The following PTN variants were observed in gnomAD, a reference collection of about 807,000 sequenced individuals.
PTN encodes heparin affin regulatory protein.
A neutral mutation model predicts 24.1 loss-of-function variants in PTN; 18 were observed. That is an observed-to-expected ratio of 0.75 (90% CI 0.52 to 1.11). PTN has a LOEUF of 1.11. PTN is among the 50% of genes least tolerant of loss of function. The probability of loss-of-function intolerance (pLI) is 0.00; values close to 1 mark genes in which losing one functional copy is unlikely to be tolerated. For synonymous variants in PTN, 78 were observed against 68.6 expected (o/e 1.14, Z -0.67); for missense variants, 163 against 198.8 (o/e 0.82, Z 1.08).
At chr7:137,330,786 G>C (rs1810344413) in intron 1 of PTN, among the ~76,000 whole-genome samples, 1 of 152,260 alleles carries the variant, frequency 6.6e-6, no homozygotes, top group African/African-American at 2.4e-5. Flanking sequence ...TTGCTCCACA[G>C]AGCTGGAGTG....
intron 1 of PTN, among the ~76,000 whole-genome samples, chr7:137,279,078 T>C (rs1046827364): frequency 6.6e-5 from 10 of 151,572 alleles, no homozygotes; most frequent in Non-Finnish European, 1.3e-4. Context: ...TGAATGAACC[T>C]GACCTGATAC....
At chr7:137,291,267 T>C (rs1809635217) in intron 1 of PTN, among the ~76,000 whole-genome samples, 1 of 152,172 alleles carries the variant, frequency 6.6e-6, no homozygotes, top group African/African-American at 2.4e-5. Context: ...CATTTAAAAA[T>C]TACTTTTCAA....
chr7:137,259,123 G>T (rs1808987124), intron 1 of PTN, among the ~76,000 whole-genome samples: 1 of 152,068 alleles, frequency 6.6e-6, no homozygotes, highest in Non-Finnish European at 1.5e-5. Flanking sequence ...AATGAAATCT[G>T]AAACTCAATG....
intron 4 of PTN, among the ~76,000 whole-genome samples, chr7:137,244,174 C>G (rs1808682213): frequency 1.3e-5 from 2 of 152,138 alleles, no homozygotes; most frequent in African/African-American, 4.8e-5. Context: ...CTGCCAGACT[C>G]TGGTAATCAT....
intron 1 of PTN, among the ~76,000 whole-genome samples, chr7:137,258,163 C>T (rs1808968704): frequency 6.6e-6 from 1 of 151,992 alleles, no homozygotes; most frequent in African/African-American, 2.4e-5. Context: ...GCCATAATTT[C>T]CAAATCAAAT....
intron 1 of PTN, chr7:137,318,861 T>C (rs760592550): frequency 6.6e-6 from 1 of 152,234 alleles, no homozygotes; most frequent in South Asian, 2.1e-4. Flanking sequence ...AGATAAGGTA[T>C]GTAAAAGCGG....
At chr7:137,252,855 C>G (rs1585013455) in intron 3 of PTN, among the ~76,000 whole-genome samples, 1 of 149,144 alleles carries the variant, frequency 6.7e-6, no homozygotes, top group Non-Finnish European at 1.5e-5. Flanking sequence ...AGACTGACTC[C>G]AGTCAGTGGG....
intron 1 of PTN, among the ~76,000 whole-genome samples, chr7:137,266,066 T>G (rs149690159): frequency 0.023 from 3,470 of 152,306 alleles, 152 homozygotes; most frequent in African/African-American, 0.08. Context: ...TTATCTAATT[T>G]TTAATGTTTG....
intron 1 of PTN, among the ~76,000 whole-genome samples, chr7:137,292,148 T>G (rs1313651454): frequency 6.6e-6 from 1 of 152,192 alleles, no homozygotes; most frequent in Non-Finnish European, 1.5e-5. Context: ...ACCTTGTCAT[T>G]GGTGGGGGAT....
intron 1 of PTN, among the ~76,000 whole-genome samples, chr7:137,332,388 G>GA (rs758453569): frequency 7.2e-5 from 9 of 125,296 alleles, no homozygotes; most frequent in Admixed American, 1.5e-4. Context: ...CATCATAATG[G>GA]AAAAAAAAAT....
Position 137,233,523 on chromosome 7 carries a change from C to T in PTN, c.452-5448G>A, listed in dbSNP as rs74554922. 3.2e-3 allele frequency among the ~76,000 whole-genome samples: 485 copies of T among 152,112 alleles called. 3 individuals are homozygous for T. The highest frequency in any genetic ancestry group is 0.011 in the African/African-American group (462 of 41,526). On this transcript the variant is annotated intron_variant, in intron 4 of 4. Transcript: ENST00000348225. ...TAAAGGTGAACAAGACAAAACTCTG[C>T]CTTCACACAGCTGACATTACAAACA...
chr7:137,287,246 C>A (rs553049339), intron 1 of PTN, among the ~76,000 whole-genome samples: 1 of 152,120 alleles, frequency 6.6e-6, no homozygotes, highest in Non-Finnish European at 1.5e-5. Flanking sequence ...TTCACATGCA[C>A]AATTTATGAA....
intron 1 of PTN, among the ~76,000 whole-genome samples, chr7:137,339,630 G>A (rs1453452224): frequency 1.3e-5 from 2 of 150,802 alleles, no homozygotes; most frequent in African/African-American, 4.9e-5. Context: ...CACTGGTGTT[G>A]AAAACATCAG....
At chr7:137,303,477 AAGTACTATCCT>A (rs1809837511) in intron 1 of PTN, among the ~76,000 whole-genome samples, 2 of 151,948 alleles carry the variant, frequency 1.3e-5, no homozygotes, top group African/African-American at 4.8e-5. Context: ...GATATAAACC[AAGTACTATCCT>A]AGCATATAAA....
At chr7:137,292,713 C>A (rs1244147605) in intron 1 of PTN, among the ~76,000 whole-genome samples, 2 of 152,162 alleles carry the variant, frequency 1.3e-5, no homozygotes, top group African/African-American at 4.8e-5. Context: ...GGAATAATGA[C>A]AAGAACAAAA....
intron 4 of PTN, among the ~76,000 whole-genome samples, chr7:137,239,953 G>A (rs1401880979): frequency 6.6e-6 from 1 of 152,094 alleles, no homozygotes; most frequent in Non-Finnish European, 1.5e-5. Flanking sequence ...TAGTCATTGA[G>A]CAAAACAAGC....
At chr7:137,309,469 A>C (rs573205758) in intron 1 of PTN, among the ~76,000 whole-genome samples, 3 of 152,156 alleles carry the variant, frequency 2.0e-5, no homozygotes, top group East Asian at 3.9e-4. Flanking sequence ...TTGTCACATC[A>C]ATTCACTCTT....
chr7:137,236,232 T>C, intron 4 of PTN: 1 of 702,338 alleles, frequency 1.4e-6, no homozygotes, highest in Admixed American at 2.0e-5. Flanking sequence ...TGTGTCTCCA[T>C]TTTCCCTTCT....
chr7:137,271,436 T>C (rs757703412), intron 1 of PTN, among the ~76,000 whole-genome samples: 4 of 152,204 alleles, frequency 2.6e-5, no homozygotes, highest in Non-Finnish European at 4.4e-5. Context: ...AACTGTCTTC[T>C]ACTTCAAATT....
Sources: allele counts gnomAD v4.1 joint callset (sites outside exome capture counted in the v4.1 genomes callset), GRCh38; gene constraint gnomAD v4.1.1; transcripts MANE v1.5; gene names NCBI Gene and HGNC (gene_info 2026-07-23, HGNC 2026-07-21).